The following SVOP variants were observed in gnomAD, a reference collection of about 807,000 sequenced individuals.
SVOP encodes synaptic vesicle 2-related protein.
Under a neutral mutation model 69.1 loss-of-function variants are expected in SVOP, and 17 were observed. The observed-to-expected ratio is 0.25, with a 90% CI of 0.17 to 0.37. The LOEUF (loss-of-function observed/expected upper bound fraction) is 0.37. Among genes scored for constraint, SVOP ranks in the 10% least tolerant of loss-of-function variants. SVOP has a pLI of 1.00. For synonymous variants in SVOP, 238 were observed against 238.6 expected (o/e 1.00, Z 0.02); for missense variants, 435 against 597.5 (o/e 0.73, Z 2.84).
Position 108,976,614 on chromosome 12 carries a change from CTT to C in SVOP, c.381+782_381+783del, listed in dbSNP as rs36192710. Reference sequence around the variant, plus strand: ...TGGCCATTCCTCTCTCTCTCTCTCTCTTTTTTTTTTTTTTAATTTGAGGTGGA... The same window carrying C: ...TGGCCATTCCTCTCTCTCTCTCTCTCTTTTTTTTTTTTAATTTGAGGTGGA... On this transcript the variant is annotated intron_variant, in intron 4 of 15. Transcript: ENST00000610966. Among the ~76,000 whole-genome samples, 207 of 142,356 alleles carry C rather than the reference CTT, an allele frequency of 1.5e-3. 1 individual carries two copies. Among genetic ancestry groups the C allele is most frequent in the Middle Eastern group, 3.6e-3 (1 of 274 alleles). 93.4% of individuals were successfully genotyped at this position (142,356 alleles called of 152,430 possible). A position where few individuals can be genotyped will look rare whatever the true frequency, so the allele number is the denominator to read the frequency against.
chr12:108,912,843 T>C, intron 15 of SVOP, 102 bp from the exon 16 acceptor site: 5 of 1,207,758 alleles, frequency 4.1e-6, no homozygotes, highest in African/African-American at 1.5e-5. Flanking sequence ...TCGTGATATC[T>C]GCTTGCTAAA....
chr12:108,971,288 G>C (rs1480841072), intron 5 of SVOP, among the ~76,000 whole-genome samples: 1 of 152,080 alleles, frequency 6.6e-6, no homozygotes, highest in Non-Finnish European at 1.5e-5. Context: ...AATTAGCCAG[G>C]CTTGGTGGCA....
rs755119597 is a variant in SVOP, at chr12:108,940,827, A to G, written c.725T>C (p.Ile242Thr). Residue 242 changes from isoleucine to threonine, a missense_variant, in exon 8 of 16, where the codon ATC (isoleucine) becomes ACC (threonine). Ile to Thr is a moderately conservative substitution (Grantham distance 89, BLOSUM62 -1). Coordinates refer to ENST00000610966, the MANE Select transcript of SVOP (RefSeq NM_018711.5). Reference protein sequence around the residue: ...MPSLGWRWLLILSAVPLLLFA... With the variant: ...MPSLGWRWLLTLSAVPLLLFA... ...GAGGAGGAGCGGGACAGCTGAGAGGATGAGCAGCCAACGCCAGCCCAGGCT... is the reference window on the plus strand; with the variant it reads ...GAGGAGGAGCGGGACAGCTGAGAGGGTGAGCAGCCAACGCCAGCCCAGGCT... The G allele has an allele frequency of 5.9e-6, 9 of 1,537,250 alleles. No individual in the cohort carries two copies. Among genetic ancestry groups the G allele is most frequent in the Non-Finnish European group, 7.0e-6 (8 of 1,146,900 alleles).
chr12:109,003,221 G>A (rs907036047), intron 1 of SVOP, among the ~76,000 whole-genome samples: 2 of 152,122 alleles, frequency 1.3e-5, no homozygotes, highest in African/African-American at 2.4e-5. Flanking sequence ...AGAACTGGAC[G>A]GGAATGGGAA....
chr12:108,989,436 A>AAGCGGGAGG, intron 1 of SVOP, among the ~76,000 whole-genome samples: 1 of 151,874 alleles, frequency 6.6e-6, no homozygotes, highest in African/African-American at 2.4e-5. Flanking sequence ...AACCCACTGG[A>AAGCGGGAGG]AAGCAGGAGG....
chr12:109,012,543 A>AT (rs944616593), intron 1 of SVOP, among the ~76,000 whole-genome samples: 1 of 152,192 alleles, frequency 6.6e-6, no homozygotes, highest in East Asian at 1.9e-4. Flanking sequence ...TCAATTTAAC[A>AT]TTTTTTAAAA....
rs2039676141 is a variant in SVOP, at chr12:108,910,639, A to G, written c.*1896T>C. The G allele has an allele frequency of 6.6e-6, 1 of 152,230 alleles. No individual in the cohort carries two copies. Among genetic ancestry groups the G allele is most frequent in the Non-Finnish European group, 1.5e-5 (1 of 68,048 alleles). The allele number at this position is 152,230 out of a possible 1,614,324, so 9.4% of individuals were successfully genotyped here. A position where few individuals can be genotyped will look rare whatever the true frequency, so the allele number is the denominator to read the frequency against. ...ATTTTAGAGACACAGTATTGTTTGC[A>G]GTTGATTTAGAACTTGAGCTGGAAG... On this transcript the variant is annotated 3_prime_UTR_variant, in exon 16 of 16. Coordinates refer to ENST00000610966, the MANE Select transcript of SVOP (RefSeq NM_018711.5).
At chr12:108,970,119 C>T (rs1008367369) in intron 5 of SVOP, among the ~76,000 whole-genome samples, 1 of 152,206 alleles carries the variant, frequency 6.6e-6, no homozygotes, top group Non-Finnish European at 1.5e-5. Context: ...AAGTTTCCTG[C>T]GCAATAGCAG....
Position 109,000,429 on chromosome 12 carries a change from GA to G in SVOP, c.36-16669del, listed in dbSNP as rs1172793169. On this transcript the variant is annotated intron_variant, in intron 1 of 15. Coordinates refer to ENST00000610966, the MANE Select transcript of SVOP (RefSeq NM_018711.5). ...CCTTCTGAAACTATTCCAATCAATA[GA>G]AAAAGAGGGAATCCTCCCTAACTCA... is the stretch of plus-strand genomic sequence containing the variant. Among the ~76,000 whole-genome samples the G allele has an allele frequency of 1.8e-3, 180 of 101,614 alleles. 2 individuals carry two copies. The highest frequency in any genetic ancestry group is 6.6e-3 in the African/African-American group (171 of 25,914). 66.7% of individuals were successfully genotyped at this position (101,614 alleles called of 152,430 possible). A position where few individuals can be genotyped will look rare whatever the true frequency, so the allele number is the denominator to read the frequency against.
chr12:108,916,559 G>A (rs1405035561), intron 14 of SVOP, among the ~76,000 whole-genome samples: 1 of 152,076 alleles, frequency 6.6e-6, no homozygotes, highest in African/African-American at 2.4e-5. Context: ...CAGCCCTTCT[G>A]CCTCCCCATG....
chr12:108,954,963 G>C (rs1311137246), intron 6 of SVOP, among the ~76,000 whole-genome samples: 1 of 152,184 alleles, frequency 6.6e-6, no homozygotes, highest in African/African-American at 2.4e-5. Context: ...GCTGCAGTGA[G>C]CCATGATTTT....
intron 1 of SVOP, among the ~76,000 whole-genome samples, chr12:109,016,461 A>G (rs2040368291): frequency 6.6e-6 from 1 of 152,166 alleles, no homozygotes; most frequent in African/African-American, 2.4e-5. Context: ...CATATACTAC[A>G]AGACCCTGGA....
At chr12:109,015,264 G>A (rs980349211) in intron 1 of SVOP, among the ~76,000 whole-genome samples, 1 of 152,170 alleles carries the variant, frequency 6.6e-6, no homozygotes, top group African/African-American at 2.4e-5. Context: ...TGAAAGAGAT[G>A]AGGTGAGATG....
At chr12:109,000,349 C>G (rs1462709669) in intron 1 of SVOP, among the ~76,000 whole-genome samples, 2 of 138,186 alleles carry the variant, frequency 1.4e-5, no homozygotes, top group Non-Finnish European at 3.1e-5. Flanking sequence ...AGTCCAGGAC[C>G]AGATGGATTC....
intron 1 of SVOP, among the ~76,000 whole-genome samples, chr12:109,002,596 G>A (rs1367759342): frequency 6.6e-6 from 1 of 150,846 alleles, no homozygotes; most frequent in Non-Finnish European, 1.5e-5. Context: ...AAGAAAATGT[G>A]GCACATGTAC....
chr12:109,013,832 C>T (rs2040354777), intron 1 of SVOP, among the ~76,000 whole-genome samples: 1 of 152,148 alleles, frequency 6.6e-6, no homozygotes, highest in Admixed American at 6.5e-5. Context: ...AACACCAACT[C>T]CCCATTCCCT....
chr12:108,961,151 C>G (rs913448688), intron 5 of SVOP, 104 bp from the exon 6 acceptor site: 1 of 1,371,320 alleles, frequency 7.3e-7, no homozygotes, highest in East Asian at 2.5e-5. Context: ...TTAAAGGGAG[C>G]CTACACAACC....
At chr12:108,918,240 C>A in intron 13 of SVOP, 116 bp from the exon 14 acceptor site, 1 of 675,600 alleles carries the variant, frequency 1.5e-6, no homozygotes. Context: ...TACCCCTCCC[C>A]GATGCTCATT....
intron 1 of SVOP, among the ~76,000 whole-genome samples, chr12:108,997,265 C>T (rs1389642075): frequency 1.3e-5 from 2 of 152,012 alleles, no homozygotes; most frequent in African/African-American, 4.8e-5. Flanking sequence ...GCTTAAAAAA[C>T]GGCGCACCAC....
Sources: allele counts gnomAD v4.1 joint callset (sites outside exome capture counted in the v4.1 genomes callset), GRCh38; gene constraint gnomAD v4.1.1; transcripts MANE v1.5; gene names NCBI Gene and HGNC (gene_info 2026-07-23, HGNC 2026-07-21).